Variants in TMEM72 observed in about 807,000 individuals in gnomAD.
The protein encoded by TMEM72 is transmembrane protein 72.
TMEM72 carries 9 observed loss-of-function variants against 16.3 expected under a neutral mutation model. The ratio of observed to expected loss-of-function variants is 0.55; its 90% CI spans 0.33 to 0.96. TMEM72 has a LOEUF of 0.96. TMEM72 is among the 40% of genes least tolerant of loss of function. The pLI is 0.03. For missense variants in TMEM72, 324 were observed against 337.8 expected (o/e 0.96, Z 0.32); for synonymous variants, 160 against 146.5 (o/e 1.09, Z -0.66).
intron 1 of TMEM72, chr10:44,923,313 TTTTCTC>T (rs1564434984): frequency 1.1e-4 from 9 of 79,122 alleles, no homozygotes; most frequent in African/African-American, 4.0e-4. Context: ...CTCTCTCTCT[TTTTCTC>T]TCTCTCTCTC....
chr10:44,931,913 C>T (rs1323945315), intron 2 of TMEM72, 85 bp from the exon 3 acceptor site: 1 of 1,378,400 alleles, frequency 7.3e-7, no homozygotes, highest in African/African-American at 1.4e-5. Flanking sequence ...GATGTGATGT[C>T]AGGAGGCCAC....
At chr10:44,924,649 C>T (rs1840156614) in intron 1 of TMEM72, among the ~76,000 whole-genome samples, 1 of 152,260 alleles carries the variant, frequency 6.6e-6, no homozygotes, top group Non-Finnish European at 1.5e-5. Context: ...ACCTGGCATG[C>T]TCTGCATCCA....
chr10:44,931,095 TG>T (rs1172689812), intron 2 of TMEM72, among the ~76,000 whole-genome samples: 2 of 152,172 alleles, frequency 1.3e-5, no homozygotes, highest in Non-Finnish European at 2.9e-5. Flanking sequence ...TCTGGTCATA[TG>T]GTACCACATG....
chr10:44,921,241 G>A (rs1840093656), intron 1 of TMEM72, among the ~76,000 whole-genome samples: 1 of 152,228 alleles, frequency 6.6e-6, no homozygotes, highest in African/African-American at 2.4e-5. Context: ...TGCAGGGAGT[G>A]AGACAGAGGC....
At chr10:44,918,230 G>T (rs898815171) in intron 1 of TMEM72, among the ~76,000 whole-genome samples, 1 of 152,162 alleles carries the variant, frequency 6.6e-6, no homozygotes, top group Non-Finnish European at 1.5e-5. Context: ...TTCAAAATGA[G>T]ATCTGGGTGG....
chr10:44,915,075 C>T (rs868469688), intron 1 of TMEM72, among the ~76,000 whole-genome samples: 7 of 152,190 alleles, frequency 4.6e-5, no homozygotes, highest in Admixed American at 2.0e-4. Context: ...GCCCTCCCCT[C>T]AGGCTGTGTC....
intron 2 of TMEM72, among the ~76,000 whole-genome samples, chr10:44,930,875 C>T (rs966306290): frequency 6.6e-6 from 1 of 152,230 alleles, no homozygotes; most frequent in Non-Finnish European, 1.5e-5. Context: ...AAGGTCACAC[C>T]TCTCACCTGT....
At chr10:44,915,653 TC>T (rs1236524071) in intron 1 of TMEM72, among the ~76,000 whole-genome samples, 2 of 152,090 alleles carry the variant, frequency 1.3e-5, no homozygotes, top group Non-Finnish European at 1.5e-5. Context: ...TCCTCTACCC[TC>T]ATGCTCCTGC....
In TMEM72 at chr10:44,913,381, G is replaced by A. The variant is rs375656074; in HGVS notation, c.70+1799G>A. On this transcript the variant is annotated intron_variant, in intron 1 of 4. Coordinates refer to ENST00000389583, the MANE Select transcript of TMEM72 (RefSeq NM_001123376.3). Reference sequence around the variant, plus strand: ...ACCTATCCTTCTAATGGATTAGCTAGAGACAGTTTAACAGTCTGATTTATC... The same window carrying A: ...ACCTATCCTTCTAATGGATTAGCTAAAGACAGTTTAACAGTCTGATTTATC... Among the ~76,000 whole-genome samples the A allele has an allele frequency of 8.5e-5, 13 of 152,140 alleles. 1 individual carries two copies. In the South Asian group the frequency reaches 1.0e-3, roughly 12 times the overall value.
chr10:44,919,268 G>T (rs931473472), intron 1 of TMEM72, among the ~76,000 whole-genome samples: 1 of 152,130 alleles, frequency 6.6e-6, no homozygotes, highest in African/African-American at 2.4e-5. Context: ...ACTCTACCAC[G>T]TCCAGTCAGC....
At chr10:44,921,099 T>C (rs998263279) in intron 1 of TMEM72, among the ~76,000 whole-genome samples, 1 of 152,180 alleles carries the variant, frequency 6.6e-6, no homozygotes, top group Non-Finnish European at 1.5e-5. Flanking sequence ...AAGAAAGTTC[T>C]TGTACCAAGG....
At chr10:44,919,478 T>C (rs999849280) in intron 1 of TMEM72, among the ~76,000 whole-genome samples, 4 of 152,222 alleles carry the variant, frequency 2.6e-5, no homozygotes, top group African/African-American at 9.6e-5. Context: ...ATCAACTGTA[T>C]TTCCATACAT....
In TMEM72 at chr10:44,911,506, TG is replaced by T; in HGVS notation, c.-5del. 2 of 1,550,696 alleles carry T rather than the reference TG, an allele frequency of 1.3e-6. No homozygotes were observed. The highest frequency in any genetic ancestry group is 1.7e-6 in the Non-Finnish European group (2 of 1,147,018). ...CCTGCCAGGACTTTGTCCTCACCCCTGGCACCATGCAGCTCCAGGTGTTCTG... is the reference window on the plus strand; with the variant it reads ...CCTGCCAGGACTTTGTCCTCACCCCTGCACCATGCAGCTCCAGGTGTTCTG... On this transcript the variant is annotated 5_prime_UTR_variant, in exon 1 of 5. Coordinates refer to ENST00000389583, the MANE Select transcript of TMEM72 (RefSeq NM_001123376.3).
intron 1 of TMEM72, among the ~76,000 whole-genome samples, chr10:44,922,162 A>G (rs1402839491): frequency 6.6e-6 from 1 of 152,228 alleles, no homozygotes; most frequent in Non-Finnish European, 1.5e-5. Context: ...GAAACCTGGC[A>G]GAAACCTAAG....
chr10:44,912,649 C>T (rs1482708603), intron 1 of TMEM72, among the ~76,000 whole-genome samples: 1 of 152,192 alleles, frequency 6.6e-6, no homozygotes, highest in Non-Finnish European at 1.5e-5. Flanking sequence ...GACCTGCTGG[C>T]CAGGTGTTTG....
chr10:44,926,978 C>A (rs755333472), intron 1 of TMEM72, among the ~76,000 whole-genome samples: 1 of 152,106 alleles, frequency 6.6e-6, no homozygotes, highest in Non-Finnish European at 1.5e-5. Flanking sequence ...CAGGAAGCAG[C>A]GCCACGAGCA....
chr10:44,911,545 A>G lies in TMEM72; in HGVS notation c.33A>G (p.Glu11=). The change falls in exon 1 of 5, where the codon GAA becomes GAG. Residue 11 remains glutamate (E), a synonymous_variant. Coordinates refer to ENST00000389583, the MANE Select transcript of TMEM72 (RefSeq NM_001123376.3). ...TCCAGGTGTTCTGGACTGGGCTGGA[A>G]TACACCTGCCGGCTCCTGGGCATCA... The part of the protein sequence containing the change: MQLQVFWTGL[E]YTCRLLGITT... 1 of 1,551,426 alleles carries G rather than the reference A, an allele frequency of 6.4e-7. No individual in the cohort carries two copies. The highest frequency in any genetic ancestry group is 8.7e-7 in the Non-Finnish European group (1 of 1,147,278).
intron 2 of TMEM72, among the ~76,000 whole-genome samples, chr10:44,930,094 C>G (rs1013931686): frequency 6.6e-6 from 1 of 152,166 alleles, no homozygotes; most frequent in African/African-American, 2.4e-5. Flanking sequence ...CCTGTTTTGT[C>G]TCTGTTTTGA....
chr10:44,920,691 T>A (rs913440773), intron 1 of TMEM72, among the ~76,000 whole-genome samples: 1 of 152,240 alleles, frequency 6.6e-6, no homozygotes, highest in Non-Finnish European at 1.5e-5. Context: ...GGGAACCGCC[T>A]GCCTCTTATA....
Sources: gnomAD v4.1 joint callset for allele counts (sites outside exome capture counted in the v4.1 genomes callset) on GRCh38, gnomAD v4.1.1 for gene constraint, MANE v1.5 for transcripts, NCBI Gene and HGNC (gene_info 2026-07-23, HGNC 2026-07-21) for gene names.